Variants in APBB2 observed in about 807,000 individuals in gnomAD.
The protein encoded by APBB2 is Fe65-like 1.
A neutral mutation model predicts 82.5 loss-of-function variants in APBB2; 38 were observed. That is an observed-to-expected ratio of 0.46 (90% CI 0.36 to 0.60). The LOEUF is 0.60. Ranked by LOEUF, APBB2 falls within the 20% of genes least tolerant of loss-of-function variation. The probability of loss-of-function intolerance (pLI) is 0.00; values close to 1 mark genes in which losing one functional copy is unlikely to be tolerated. For missense variants in APBB2, 772 were observed against 972.3 expected (o/e 0.79, Z 2.74); for synonymous variants, 341 against 368.2 (o/e 0.93, Z 0.85).
chr4:40,867,483 T>A (rs181021566), intron 12 of APBB2, among the ~76,000 whole-genome samples: 41 of 152,300 alleles, frequency 2.7e-4, no homozygotes, highest in African/African-American at 9.6e-4. Context: ...TGAACTCAAT[T>A]ATAAGAGGTG....
intron 2 of APBB2, among the ~76,000 whole-genome samples, chr4:41,118,906 G>A (rs1436646075): frequency 6.6e-6 from 1 of 152,174 alleles, no homozygotes; most frequent in Non-Finnish European, 1.5e-5. Flanking sequence ...TTGGCAGGCT[G>A]AAGCAGGCAA....
chr4:41,012,528 A>G (rs1387941459), intron 6 of APBB2, among the ~76,000 whole-genome samples: 1 of 152,162 alleles, frequency 6.6e-6, no homozygotes, highest in East Asian at 1.9e-4. Flanking sequence ...TGCATCATTG[A>G]AAGTACTGGG....
intron 10 of APBB2, among the ~76,000 whole-genome samples, chr4:40,921,751 CAGG>C (rs1781318014): frequency 6.6e-6 from 1 of 152,220 alleles, no homozygotes; most frequent in Non-Finnish European, 1.5e-5. Context: ...GCATGGCTCT[CAGG>C]AGAAGCACTT....
intron 10 of APBB2, among the ~76,000 whole-genome samples, chr4:40,899,018 C>CA (rs890209648): frequency 2.0e-5 from 3 of 152,166 alleles, no homozygotes; most frequent in African/African-American, 7.2e-5. Context: ...CTGCTATAGA[C>CA]AGATGGCTCC....
intron 6 of APBB2, among the ~76,000 whole-genome samples, chr4:40,968,514 AAAGT>A (rs1355862992): frequency 6.6e-6 from 1 of 152,150 alleles, no homozygotes; most frequent in Non-Finnish European, 1.5e-5. Flanking sequence ...CTTCCTGTGC[AAAGT>A]AAGATTTCCT....
At chr4:41,124,206 C>T (rs759796444) in intron 2 of APBB2, among the ~76,000 whole-genome samples, 1 of 152,140 alleles carries the variant, frequency 6.6e-6, no homozygotes, top group Non-Finnish European at 1.5e-5. Context: ...TTTCTTCAAG[C>T]ATTTATTTTA....
rs1420452538 is a variant in APBB2, at chr4:41,038,821, G to A, written c.-50-5517C>T. 7.2e-5 allele frequency among the ~76,000 whole-genome samples: 11 copies of A among 152,192 alleles called. No homozygotes were observed. In the East Asian group the frequency reaches 2.1e-3, roughly 29 times the overall value. ...CCAGAAAAGGGGGAAAAAAAGGAGG[G>A]AAACATTTCAATAAGCAAATTCTCA... On this transcript the variant is annotated intron_variant, in intron 4 of 17. Transcript: ENST00000508593.
chr4:40,859,287 A>ATTT (rs34512213), intron 12 of APBB2, among the ~76,000 whole-genome samples: 5 of 141,934 alleles, frequency 3.5e-5, no homozygotes, highest in African/African-American at 7.8e-5. Flanking sequence ...GGCTGCTGTC[A>ATTT]TTTTTTTTTT....
Position 40,895,754 on chromosome 4 carries a change from C to T in APBB2, c.1255-2343G>A, listed in dbSNP as rs28594597. ...AAAATCACAGTGTCCCAGCTGACTC[C>T]CCTGGCCTGCCATTCCAACCTTGTC... On this transcript the variant is annotated intron_variant, in intron 10 of 17. Transcript: ENST00000508593. 1.9e-3 allele frequency among the ~76,000 whole-genome samples: 286 copies of T among 152,246 alleles called. 1 individual carries two copies. Among genetic ancestry groups the T allele is most frequent in the African/African-American group, 6.6e-3 (273 of 41,544 alleles).
chr4:40,882,209 A>G (rs1768828445), intron 12 of APBB2, among the ~76,000 whole-genome samples: 1 of 152,218 alleles, frequency 6.6e-6, no homozygotes, highest in South Asian at 2.1e-4. Context: ...GAAAGCTCCC[A>G]TGGAGGCTGC....
At chr4:40,849,561 C>T (rs555657214) in intron 12 of APBB2, among the ~76,000 whole-genome samples, 13 of 152,260 alleles carry the variant, frequency 8.5e-5, no homozygotes, top group African/African-American at 2.9e-4. Flanking sequence ...CCCAAGACAA[C>T]ACATTCCCAT....
chr4:40,816,179 G>C lies in APBB2; in HGVS notation c.2193C>G (p.Thr731=), dbSNP rs2154292409. The change falls in exon 18 of 18, where the codon ACC becomes ACG. Residue 731 remains threonine, a synonymous_variant. Transcript: ENST00000508593. ...RPPPPPADSV[T]RRVTTNVKRG... ...GTTTTACATTGGTTGTGACTCTTCT[G>C]GTTACTGAATCTGCTGGCGGTGGAG... 6.2e-7 allele frequency: 1 copy of C among 1,614,188 alleles called. No homozygotes were observed. Among genetic ancestry groups the C allele is most frequent in the Admixed American group, 1.7e-5 (1 of 60,014 alleles).
intron 4 of APBB2, among the ~76,000 whole-genome samples, chr4:41,056,232 G>C: frequency 6.6e-6 from 1 of 152,066 alleles, no homozygotes; most frequent in East Asian, 1.9e-4. Context: ...TAAAATAAAT[G>C]TAACTTCTTA....
intron 10 of APBB2, among the ~76,000 whole-genome samples, chr4:40,907,975 CTGTGTGGTGTGTG>C (rs147606933): frequency 0.039 from 5,831 of 151,136 alleles, 368 homozygotes; most frequent in African/African-American, 0.13. Flanking sequence ...AGGTGTGTGT[CTGTGTGGTGTGTG>C]TGTGTGTATG....
At chr4:41,087,819 G>A (rs1035369494) in intron 3 of APBB2, among the ~76,000 whole-genome samples, 1 of 152,162 alleles carries the variant, frequency 6.6e-6, no homozygotes. Flanking sequence ...GGGGAGACTT[G>A]TTGAGCTTAT....
chr4:41,096,496 GA>G (rs1368495030), intron 3 of APBB2, among the ~76,000 whole-genome samples: 1 of 151,718 alleles, frequency 6.6e-6, no homozygotes, highest in East Asian at 1.9e-4. Flanking sequence ...TATTCTACTA[GA>G]AAAAAAATGA....
intron 12 of APBB2, among the ~76,000 whole-genome samples, chr4:40,838,557 G>C (rs946907666): frequency 6.6e-6 from 1 of 152,052 alleles, no homozygotes; most frequent in African/African-American, 2.4e-5. Flanking sequence ...GTATGGTCTC[G>C]ATCTCCTGAC....
intron 1 of APBB2, among the ~76,000 whole-genome samples, chr4:41,159,183 T>C (rs746941872): frequency 1.5e-4 from 23 of 152,210 alleles, no homozygotes; most frequent in Admixed American, 1.1e-3. Flanking sequence ...TAATGCTGCA[T>C]CTGTACAAGA....
chr4:40,923,281 C>T (rs2154369467), intron 10 of APBB2, among the ~76,000 whole-genome samples: 1 of 152,324 alleles, frequency 6.6e-6, no homozygotes, highest in South Asian at 2.1e-4. Flanking sequence ...CCCAGCCTCT[C>T]CATCAATTTT....
Sources: allele counts gnomAD v4.1 joint callset (sites outside exome capture counted in the v4.1 genomes callset), GRCh38; gene constraint gnomAD v4.1.1; transcripts MANE v1.5; gene names NCBI Gene and HGNC (gene_info 2026-07-23, HGNC 2026-07-21).